Variants in DCX observed in about 807,000 individuals in gnomAD.
The protein encoded by DCX is neuronal migration protein doublecortin.
Under a neutral mutation model 20.9 loss-of-function variants are expected in DCX, and 4 were observed. That is an observed-to-expected ratio of 0.19 (90% CI 0.09 to 0.44). DCX has a LOEUF of 0.44. Among genes scored for constraint, DCX ranks in the 20% least tolerant of loss-of-function variants. The pLI, the probability that DCX is intolerant of heterozygous loss-of-function variation, is 0.99. For synonymous variants in DCX, 103 were observed against 111.4 expected, an observed-to-expected ratio of 0.92 and a Z score of 0.47; for missense variants, 133 against 296.9, an observed-to-expected ratio of 0.45 and a Z score of 4.06.
chrX:111,308,403 T>G (rs1056395247), intron 6 of DCX, among the ~76,000 whole-genome samples: 1 of 111,404 alleles, frequency 9.0e-6, no homozygotes, highest in Non-Finnish European at 1.9e-5. Context: ...GATGGTGTGG[T>G]TTTGTTTCTT....
chrX:111,360,704 C>T (rs1267863849), intron 3 of DCX, among the ~76,000 whole-genome samples: 4 of 110,073 alleles, frequency 3.6e-5, no homozygotes. Flanking sequence ...TCTCATGTAC[C>T]CCATAAATAT....
intron 3 of DCX, among the ~76,000 whole-genome samples, chrX:111,380,578 G>T (rs1925889152): frequency 1.8e-5 from 2 of 111,264 alleles, no homozygotes; most frequent in African/African-American, 6.5e-5. Context: ...TGGTAAGTTT[G>T]AAATTAGGAA....
chrX:111,374,549 C>A (rs1427564626), intron 3 of DCX, among the ~76,000 whole-genome samples: 1 of 111,524 alleles, frequency 9.0e-6, no homozygotes, highest in African/African-American at 3.3e-5. Flanking sequence ...AGTTTTGCAG[C>A]AGGGTGACTG....
At chrX:111,356,296 T>G (rs754973892) in intron 3 of DCX, among the ~76,000 whole-genome samples, 3 of 112,152 alleles carry the variant, frequency 2.7e-5, no homozygotes, top group Non-Finnish European at 5.6e-5. Context: ...AACATCTCCC[T>G]TCAGAGTCCA....
chrX:111,348,191 C>T (rs1454793233), intron 3 of DCX, among the ~76,000 whole-genome samples: 1 of 111,823 alleles, frequency 8.9e-6, no homozygotes, highest in Admixed American at 9.5e-5. Context: ...CTATAGGTAC[C>T]TAAGGTATAC....
At chrX:111,397,867 A>G (rs960411678) in intron 3 of DCX, among the ~76,000 whole-genome samples, 1 of 110,476 alleles carries the variant, frequency 9.1e-6, no homozygotes, top group Non-Finnish European at 1.9e-5. Flanking sequence ...GTGTGTGTGT[A>G]TATTTCATTA....
At chrX:111,376,920 T>C (rs1392931127) in intron 3 of DCX, among the ~76,000 whole-genome samples, 1 of 112,423 alleles carries the variant, frequency 8.9e-6, no homozygotes, top group East Asian at 2.8e-4. Flanking sequence ...CCAGTTAAAT[T>C]TGAATTTCTC....
At chrX:111,338,956 T>C (rs1240914283) in intron 3 of DCX, among the ~76,000 whole-genome samples, 1 of 111,657 alleles carries the variant, frequency 9.0e-6, no homozygotes, top group East Asian at 2.8e-4. Flanking sequence ...TCAAATCCAA[T>C]GGTCCTTCCC....
rs73547215 is a variant in DCX, at chrX:111,405,308, G to T, written c.365-3978C>A. On this transcript the variant is annotated intron_variant, in intron 2 of 6. Transcript: ENST00000636035. ...ACTGTATTATATTAAAATATTAAAT[G>T]ACATTTGATTATCATATCTATTAGC... 3.4e-3 allele frequency among the ~76,000 whole-genome samples: 386 copies of T among 112,234 alleles called. 3 individuals carry two copies. Among genetic ancestry groups the T allele is most frequent in the African/African-American group, 0.012 (361 of 30,948 alleles).
At chrX:111,392,852 A>G (rs1451454154) in intron 3 of DCX, among the ~76,000 whole-genome samples, 1 of 111,324 alleles carries the variant, frequency 9.0e-6, no homozygotes, top group Non-Finnish European at 1.9e-5. Context: ...CCCTCCCCCA[A>G]TCCTGTTTAG....
rs930662757 is a variant in DCX, at chrX:111,314,224, G to A, written c.947-1488C>T. The stretch of plus-strand genomic sequence containing the variant: ...ATCCTCACTCATCTCTCACCCACTC[G>A]TTGAGAAGCCCTCCTCCCTGTCATT... On this transcript the variant is annotated intron_variant, in intron 5 of 6. Transcript: ENST00000636035. 7.2e-5 allele frequency among the ~76,000 whole-genome samples: 8 copies of A among 111,775 alleles called. 1 individual carries two copies. Among genetic ancestry groups the A allele is most frequent in the Middle Eastern group, 8.5e-3 (2 of 235 alleles).
intron 5 of DCX, among the ~76,000 whole-genome samples, chrX:111,318,224 G>A (rs1048763672): frequency 1.9e-5 from 2 of 105,869 alleles, no homozygotes; most frequent in African/African-American, 6.8e-5. Context: ...TAATATGCTG[G>A]CAAGGTTGTA....
At chrX:111,356,915 T>C (rs2147683281) in intron 3 of DCX, among the ~76,000 whole-genome samples, 1 of 111,880 alleles carries the variant, frequency 8.9e-6, no homozygotes, top group South Asian at 3.8e-4. Context: ...GAGATTCCTG[T>C]TTCTACAAAA....
chrX:111,371,249 C>T (rs888852051), intron 3 of DCX, among the ~76,000 whole-genome samples: 4 of 112,335 alleles, frequency 3.6e-5, no homozygotes, highest in African/African-American at 1.3e-4. Context: ...TTTTCTTATG[C>T]ATCTTCCCAG....
In DCX at chrX:111,388,952, T is replaced by C. The variant is rs868225799; in HGVS notation, c.705+12038A>G. On this transcript the variant is annotated intron_variant, in intron 3 of 6. Transcript: ENST00000636035. ...GGACATTTTAGCAACCAACTACATA[T>C]AAAACAAGAGTTAGCAAAGAGAAAA... is the stretch of plus-strand genomic sequence containing the variant. 2.7e-5 allele frequency among the ~76,000 whole-genome samples: 3 copies of C among 111,566 alleles called. No homozygotes were observed. In the Admixed American group the frequency reaches 2.9e-4, roughly 11 times the overall value.
chrX:111,349,392 C>T (rs994700439), intron 3 of DCX, among the ~76,000 whole-genome samples: 1 of 111,637 alleles, frequency 9.0e-6, no homozygotes, highest in Non-Finnish European at 1.9e-5. Flanking sequence ...CAAACTGAGT[C>T]CAAGGGAAGC....
intron 3 of DCX, among the ~76,000 whole-genome samples, chrX:111,343,446 G>GA (rs371125870): frequency 0.022 from 1,032 of 47,524 alleles, 13 homozygotes; most frequent in African/African-American, 0.038. Context: ...TACCAACCAA[G>GA]AAAAAAAAAA....
At chrX:111,406,561 A>C (rs1462055037) in intron 2 of DCX, among the ~76,000 whole-genome samples, 1 of 112,074 alleles carries the variant, frequency 8.9e-6, no homozygotes, top group African/African-American at 3.2e-5. Context: ...TATTCACAAG[A>C]GATACACAAA....
intron 6 of DCX, 45 bp from the exon 7 acceptor site, chrX:111,301,788 T>A (rs759437481): frequency 1.8e-6 from 2 of 1,119,106 alleles, no homozygotes; most frequent in East Asian, 6.0e-5. Context: ...TTTCTTGATA[T>A]CTTGAGCTCT....
Sources: allele counts gnomAD v4.1 joint callset (sites outside exome capture counted in the v4.1 genomes callset), GRCh38; gene constraint gnomAD v4.1.1; transcripts MANE v1.5; gene names NCBI Gene and HGNC (gene_info 2026-07-23, HGNC 2026-07-21).